The following NEK11 variants were observed in gnomAD, a reference collection of about 807,000 sequenced individuals.
NEK11 encodes the protein NIMA related kinase 11.
A neutral mutation model predicts 80.7 loss-of-function variants in NEK11; 72 were observed. The observed-to-expected ratio is 0.89, with a 90% CI of 0.74 to 1.08. The LOEUF (loss-of-function observed/expected upper bound fraction) is 1.08, where lower values mean the gene tolerates loss of function less well. Among genes scored for constraint, NEK11 ranks in the 50% least tolerant of loss-of-function variants. The probability of loss-of-function intolerance (pLI) is 0.00; values close to 1 mark genes in which losing one functional copy is unlikely to be tolerated. For synonymous variants in NEK11, 251 were observed against 260.7 expected (o/e 0.96, Z 0.36); for missense variants, 764 against 763.6 (o/e 1.00, Z -0.01).
At chr3:131,121,794 G>A (rs1327421896) in intron 5 of NEK11, among the ~76,000 whole-genome samples, 5 of 152,322 alleles carry the variant, frequency 3.3e-5, no homozygotes, top group South Asian at 4.1e-4. Context: ...CCATGCATGG[G>A]ATATAATCTC....
chr3:131,046,779 A>G (rs775396317), intron 3 of NEK11, among the ~76,000 whole-genome samples: 21 of 152,062 alleles, frequency 1.4e-4, no homozygotes, highest in Non-Finnish European at 2.6e-4. Flanking sequence ...CTAGGCGATG[A>G]TCTTTTTGCA....
chr3:131,196,916 A>C (rs1277617858), intron 14 of NEK11, among the ~76,000 whole-genome samples: 1 of 151,786 alleles, frequency 6.6e-6, no homozygotes, highest in Non-Finnish European at 1.5e-5. Flanking sequence ...TCCCATACAA[A>C]GGGAGGGGAC....
At chr3:131,174,002 A>T (rs190260997) in intron 14 of NEK11, among the ~76,000 whole-genome samples, 109 of 152,296 alleles carry the variant, frequency 7.2e-4, no homozygotes, top group African/African-American at 2.6e-3. Context: ...AAAATACTTT[A>T]AACATTTCCG....
At chr3:131,063,156 C>G (rs1302213706) in intron 3 of NEK11, among the ~76,000 whole-genome samples, 2 of 152,168 alleles carry the variant, frequency 1.3e-5, no homozygotes, top group African/African-American at 4.8e-5. Context: ...TCCCAAGTAG[C>G]TGGGACTACA....
chr3:131,042,888 C>T, intron 3 of NEK11, among the ~76,000 whole-genome samples: 1 of 152,194 alleles, frequency 6.6e-6, no homozygotes, highest in East Asian at 1.9e-4. Context: ...GCAGGTGCCA[C>T]TCTGGGATGA....
chr3:131,126,959 C>CTT (rs71133688), intron 5 of NEK11, among the ~76,000 whole-genome samples: 994 of 90,036 alleles, frequency 0.011, 62 homozygotes, highest in African/African-American at 0.038. Context: ...TTCTTTCTTT[C>CTT]TTTTTTTTTT....
chr3:131,217,546 A>G (rs2094883327), intron 14 of NEK11, among the ~76,000 whole-genome samples: 1 of 152,158 alleles, frequency 6.6e-6, no homozygotes, highest in Non-Finnish European at 1.5e-5. Flanking sequence ...CAATTTTGTC[A>G]TTGAGCAAAC....
chr3:131,314,130 A>AGTGTGTGTGTGTGT (rs143988468), intron 17 of NEK11, among the ~76,000 whole-genome samples: 5,164 of 149,292 alleles, frequency 0.035, 160 homozygotes, highest in East Asian at 0.16. Context: ...GGAGAAAAAG[A>AGTGTGTGTGTGTGT]GTGTGTGTGT....
At chr3:131,150,748 G>T (rs1579140859) in intron 7 of NEK11, among the ~76,000 whole-genome samples, 1 of 151,586 alleles carries the variant, frequency 6.6e-6, no homozygotes, top group Non-Finnish European at 1.5e-5. Flanking sequence ...ATTTTATTTT[G>T]TAGAGTTAAT....
At chr3:131,066,674 A>G (rs1347857237) in intron 3 of NEK11, among the ~76,000 whole-genome samples, 1 of 151,874 alleles carries the variant, frequency 6.6e-6, no homozygotes, top group East Asian at 1.9e-4. Flanking sequence ...TATCTACTAA[A>G]AAAAAATAAA....
chr3:131,168,981 A>G, intron 13 of NEK11, 44 bp downstream of exon 13: 1 of 1,452,090 alleles, frequency 6.9e-7, no homozygotes, highest in Non-Finnish European at 9.6e-7. Flanking sequence ...AGGCAGGTTT[A>G]ATGATATCCA....
At chr3:131,197,821 A>G (rs994691601) in intron 14 of NEK11, among the ~76,000 whole-genome samples, 3 of 152,014 alleles carry the variant, frequency 2.0e-5, no homozygotes, top group African/African-American at 7.2e-5. Flanking sequence ...GGGTCCTTCT[A>G]TAAGCATTTC....
intron 14 of NEK11, among the ~76,000 whole-genome samples, chr3:131,220,425 G>C (rs560515103): frequency 6.6e-6 from 1 of 152,206 alleles, no homozygotes; most frequent in East Asian, 1.9e-4. Flanking sequence ...ATGCTTTGAT[G>C]GCTGTCATGT....
intron 4 of NEK11, among the ~76,000 whole-genome samples, chr3:131,087,124 C>T (rs1023780317): frequency 2.0e-5 from 3 of 152,114 alleles, no homozygotes; most frequent in African/African-American, 7.2e-5. Flanking sequence ...ACTCACCCCC[C>T]TTTCCTCCCT....
At chr3:131,092,920 G>T (rs375139004) in intron 4 of NEK11, 1 of 152,162 alleles carries the variant, frequency 6.6e-6, no homozygotes, top group Non-Finnish European at 1.5e-5. Context: ...TGCTGCCAAA[G>T]CAAGCACAAT....
chr3:131,212,041 G>A (rs959544067), intron 14 of NEK11, among the ~76,000 whole-genome samples: 16 of 152,140 alleles, frequency 1.1e-4, no homozygotes, highest in African/African-American at 3.6e-4. Context: ...GAGGAGAAGA[G>A]GCGCTCTGGT....
At chr3:131,052,062 C>G (rs955268642) in intron 3 of NEK11, among the ~76,000 whole-genome samples, 1 of 151,444 alleles carries the variant, frequency 6.6e-6, no homozygotes, top group African/African-American at 2.4e-5. Flanking sequence ...ACATTAGCAA[C>G]TTAAGAATAC....
chr3:131,269,605 G>C (rs770589062), intron 16 of NEK11, among the ~76,000 whole-genome samples: 2 of 152,202 alleles, frequency 1.3e-5, no homozygotes, highest in Non-Finnish European at 2.9e-5. Context: ...ACCTCAGTTG[G>C]AAATGGAGAA....
At chr3:131,251,097 A>G (rs1052338161) in intron 16 of NEK11, among the ~76,000 whole-genome samples, 2 of 151,642 alleles carry the variant, frequency 1.3e-5, no homozygotes, top group African/African-American at 4.8e-5. Context: ...CAAAATTAAC[A>G]TTCCCTATTT....
Sources: gnomAD v4.1 joint callset for allele counts (sites outside exome capture counted in the v4.1 genomes callset) on GRCh38, gnomAD v4.1.1 for gene constraint, MANE v1.5 for transcripts, NCBI Gene and HGNC (gene_info 2026-07-23, HGNC 2026-07-21) for gene names.